The following CYP4A11 variants were observed in gnomAD, a reference collection of about 807,000 sequenced individuals.
CYP4A11 encodes cytochrome P450 4A11.
In CYP4A11, 52 loss-of-function variants were observed where a neutral mutation model predicts 57.7. That is an observed-to-expected ratio of 0.90 (90% CI 0.72 to 1.14). The LOEUF (loss-of-function observed/expected upper bound fraction) is 1.14, where lower values mean the gene tolerates loss of function less well. Ranked by LOEUF, CYP4A11 falls within the 50% of genes most tolerant of loss-of-function variation. CYP4A11 has a pLI of 0.00. For synonymous variants in CYP4A11, 228 were observed against 247.1 expected (o/e 0.92, Z 0.72); for missense variants, 641 against 642.1 (o/e 1.00, Z 0.02).
intron 11 of CYP4A11, chr1:46,931,429 T>A (rs1285689669): frequency 3.1e-6 from 2 of 636,370 alleles, no homozygotes; most frequent in African/African-American, 4.0e-5. Flanking sequence ...CAGGATATAT[T>A]TCTGTACAAC....
chr1:46,932,947 G>A (rs1359854403), intron 10 of CYP4A11, 36 bp downstream of exon 10: 8 of 1,613,980 alleles, frequency 5.0e-6, no homozygotes, highest in African/African-American at 4.0e-5. Flanking sequence ...TGGTCTTGAG[G>A]GATCACCTCA....
chr1:46,933,965 A>G lies in CYP4A11; in HGVS notation c.1203T>C (p.Asp401=). 1 of 1,614,156 alleles carries G rather than the reference A, an allele frequency of 6.2e-7. No individual in the cohort carries two copies. The highest frequency in any genetic ancestry group is 8.5e-7 in the Non-Finnish European group (1 of 1,180,032). The part of the protein sequence containing the change: ...RELSTPVTFP[D]GRSLPKGIMV... ...TCATACCTTTGGGCAAGGAGCGCCC[A>G]TCAGGGAAGGTGACGGGAGTGCTGA... is the stretch of plus-strand genomic sequence containing the variant. Residue 401 remains aspartate (D), a synonymous_variant, in exon 9 of 12, where the codon GAT becomes GAC. Transcript: ENST00000310638.
chr1:46,941,001 C>T (rs1681715668), intron 1 of CYP4A11: 2 of 985,250 alleles, frequency 2.0e-6, no homozygotes, highest in East Asian at 1.1e-4. Flanking sequence ...CCAAGACACA[C>T]TTGATATCTG....
intron 3 of CYP4A11, 41 bp downstream of exon 3, chr1:46,937,261 C>G: frequency 6.2e-7 from 1 of 1,605,352 alleles, no homozygotes; most frequent in Non-Finnish European, 8.5e-7. Context: ...TAACTCAAAC[C>G]TGACTAGGGA....
chr1:46,935,451 C>T lies in CYP4A11; in HGVS notation c.635+72G>A. On this transcript the variant is annotated intron_variant, in intron 5 of 11. Coordinates refer to ENST00000310638, the MANE Select transcript of CYP4A11 (RefSeq NM_000778.4). ...GTGGCGGTGAGCCTTCACGCTGCCC[C>T]ACCTGCCCCTCAGGTATGTGCACTC... 2.0e-6 allele frequency: 3 copies of T among 1,524,488 alleles called. No individual in the cohort carries two copies. The South Asian group carries it at 3.9e-5, about 20-fold the overall frequency. The allele number at this position is 1,524,488 out of a possible 1,614,324, so 94.4% of individuals were successfully genotyped here. A position where few individuals can be genotyped will look rare whatever the true frequency, so the allele number is the denominator to read the frequency against.
At position 46,934,547 on chromosome 1, in the gene CYP4A11, T is replaced by C. The variant is rs1226768225; in HGVS notation, c.803A>G (p.Gln268Arg). ...CTTCTGTAGTTGAGCCTTCCTCAGT[T>C]GGATCACTTGGTCTGTACCAGAACA... is the stretch of plus-strand genomic sequence containing the variant. ...LAHQHTDQVIQLRKAQLQKEG... is the reference protein window; with the variant it reads ...LAHQHTDQVIRLRKAQLQKEG... The change falls in exon 7 of 12, where the codon CAA becomes CGA. Residue 268 changes from glutamine (Q) to arginine (R), a missense_variant. By Grantham distance (43) the Gln-to-Arg change is conservative. Transcript: ENST00000310638. The C allele has an allele frequency of 1.2e-6, 2 of 1,612,894 alleles. No homozygotes were observed. Among genetic ancestry groups the C allele is most frequent in the Admixed American group, 1.7e-5 (1 of 59,952 alleles).
chr1:46,936,564 C>T, intron 4 of CYP4A11, 100 bp downstream of exon 4: 1 of 1,468,256 alleles, frequency 6.8e-7, no homozygotes, highest in Non-Finnish European at 9.0e-7. Flanking sequence ...TTCCATGTGT[C>T]TATGTCTATG....
At chr1:46,933,722 A>G (rs1235927105) in intron 9 of CYP4A11, among the ~76,000 whole-genome samples, 1 of 152,250 alleles carries the variant, frequency 6.6e-6, no homozygotes, top group Non-Finnish European at 1.5e-5. Context: ...TTACTGACCC[A>G]AGGCCACATT....
chr1:46,939,637 T>A (rs1681628257), intron 1 of CYP4A11, among the ~76,000 whole-genome samples: 1 of 152,194 alleles, frequency 6.6e-6, no homozygotes. Flanking sequence ...TGCTCTGGCC[T>A]CTTGAGAAGG....
chr1:46,935,797 A>T (rs1570087325), intron 4 of CYP4A11, 150 bp from the exon 5 acceptor site: 2 of 1,453,186 alleles, frequency 1.4e-6, no homozygotes, highest in Admixed American at 2.5e-5. Context: ...GAGCAGATGC[A>T]TTGTAGAAAC....
In CYP4A11 at chr1:46,936,785, C is replaced by T. The variant is rs1241859582; in HGVS notation, c.389G>A (p.Gly130Asp). The T allele has an allele frequency of 6.2e-6, 10 of 1,609,310 alleles. No homozygotes were observed. Among genetic ancestry groups the T allele is most frequent in the African/African-American group, 1.4e-5 (1 of 73,976 alleles). The part of the protein sequence containing the change: ...YRFLAPWIGY[G>D]LLLLNGQTWF... ...TGTCTGCCCATTCAACAGGAGCAAG[C>T]CGTACCCTAAGAGAGACATGAATGT... Residue 130 changes from glycine to aspartate, a missense_variant, in exon 4 of 12, where the codon GGC becomes GAC. Gly to Asp is a moderately conservative substitution (Grantham distance 94). Transcript: ENST00000310638.
Position 46,930,100 on chromosome 1 carries a change from G to A in CYP4A11, c.*15C>T, listed in dbSNP as rs1440901005. The A allele has an allele frequency of 5.0e-6, 8 of 1,599,664 alleles. No individual in the cohort carries two copies. The highest frequency in any genetic ancestry group is 1.1e-5 in the South Asian group (1 of 88,978). On this transcript the variant is annotated 3_prime_UTR_variant, in exon 12 of 12. Transcript: ENST00000310638. ...GAAGCGGGGGTCAGGAAGACAGGAC[G>A]GCAGGTGGAGGCCCTCAAAGCTGGT...
At position 46,941,404 on chromosome 1, in the gene CYP4A11, T is replaced by C; in HGVS notation, c.30A>G (p.Arg10=). Residue 10 remains arginine, a synonymous_variant, in exon 1 of 12, where the codon AGA becomes AGG. Transcript: ENST00000310638. MSVSVLSPS[R]LLGDVSGILQ... is the part of the protein sequence containing the mutation. ...GGATTCCAGAGACATCACCCAGGAG[T>C]CTGCTGGGGCTCAGCACAGAGACAC... The C allele has an allele frequency of 6.2e-7, 1 of 1,613,746 alleles. No homozygotes were observed. The highest frequency in any genetic ancestry group is 8.5e-7 in the Non-Finnish European group (1 of 1,179,926).
Position 46,937,298 on chromosome 1 carries a change from A to G in CYP4A11, c.382+4T>C. ...TGGGCTGCAGTCCTAGTTTGCACAC[A>G]TACCAATCCATGGAGCCAGGAATCT... On this transcript the variant is annotated splice_donor_region_variant and intron_variant, in intron 3 of 11. Transcript: ENST00000310638. 6.2e-7 allele frequency: 1 copy of G among 1,614,148 alleles called. No homozygotes were observed. The highest frequency in any genetic ancestry group is 8.5e-7 in the Non-Finnish European group (1 of 1,179,990).
intron 11 of CYP4A11, chr1:46,932,335 G>C (rs546234972): frequency 9.5e-7 from 1 of 1,047,872 alleles, no homozygotes; most frequent in Non-Finnish European, 1.2e-6. Flanking sequence ...GAATTAAATA[G>C]GGAAGGTAGT....
In CYP4A11 at chr1:46,937,358, G is replaced by A; in HGVS notation, c.338-12C>T. 1.9e-6 allele frequency: 3 copies of A among 1,613,954 alleles called. No homozygotes were observed. The highest frequency in any genetic ancestry group is 2.5e-6 in the Non-Finnish European group (3 of 1,179,864). On this transcript the variant is annotated splice_polypyrimidine_tract_variant and intron_variant, in intron 2 of 11. Coordinates refer to ENST00000310638, the MANE Select transcript of CYP4A11 (RefSeq NM_000778.4). ...ATGGGATTTCGGGTCTGAAAGGCAAGAAAGGGCTTTATAGGAAACTAGGAG... is the reference window on the plus strand; with the variant it reads ...ATGGGATTTCGGGTCTGAAAGGCAAAAAAGGGCTTTATAGGAAACTAGGAG...
intron 5 of CYP4A11, 82 bp from the exon 6 acceptor site, chr1:46,935,236 C>T: frequency 6.7e-7 from 1 of 1,499,220 alleles, no homozygotes; most frequent in Non-Finnish European, 9.1e-7. Context: ...AGGAGGCAGC[C>T]TCGGATAATG....
intron 11 of CYP4A11, 135 bp downstream of exon 11, chr1:46,932,626 G>A (rs1681091642): frequency 6.3e-7 from 1 of 1,575,192 alleles, no homozygotes; most frequent in Non-Finnish European, 8.6e-7. Flanking sequence ...CCAGGTGCCT[G>A]ACTTTCCCAC....
chr1:46,939,390 A>G (rs993816860), intron 1 of CYP4A11, among the ~76,000 whole-genome samples: 1 of 152,170 alleles, frequency 6.6e-6, no homozygotes, highest in African/African-American at 2.4e-5. Flanking sequence ...GGGGTAAGAA[A>G]GATTAGAGGC....
Sources: allele counts gnomAD v4.1 joint callset (sites outside exome capture counted in the v4.1 genomes callset), GRCh38; gene constraint gnomAD v4.1.1; transcripts MANE v1.5; gene names NCBI Gene and HGNC (gene_info 2026-07-23, HGNC 2026-07-21).